RAD52: variants seen among roughly 807,000 people sequenced by gnomAD.
RAD52 encodes DNA repair protein RAD52 homolog.
A neutral mutation model predicts 55.5 loss-of-function variants in RAD52; 47 were observed. The ratio of observed to expected loss-of-function variants is 0.85; its 90% CI spans 0.67 to 1.08. The LOEUF (loss-of-function observed/expected upper bound fraction) is 1.08. Among genes scored for constraint, RAD52 ranks in the 50% least tolerant of loss-of-function variants. The probability of loss-of-function intolerance (pLI) is 0.00; values close to 1 mark genes in which losing one functional copy is unlikely to be tolerated. For missense variants in RAD52, 468 were observed against 522.8 expected, an observed-to-expected ratio of 0.90 and a Z score of 1.02; for synonymous variants, 184 against 198.9, an observed-to-expected ratio of 0.92 and a Z score of 0.63.
In RAD52 at chr12:920,352, C is replaced by T. The variant is rs1457280305; in HGVS notation, c.544-3532G>A. Among the ~76,000 whole-genome samples, 2 of 117,016 alleles carry T rather than the reference C, an allele frequency of 1.7e-5. 1 individual carries two copies. The highest frequency in any genetic ancestry group is 3.6e-5 in the Non-Finnish European group (2 of 55,320). The allele number at this position is 117,016 out of a possible 152,430, so 76.8% of individuals were successfully genotyped here. A position where few individuals can be genotyped will look rare whatever the true frequency, so the allele number is the denominator to read the frequency against. On this transcript the variant is annotated intron_variant, in intron 7 of 11. Coordinates refer to ENST00000358495, the MANE Select transcript of RAD52 (RefSeq NM_134424.4). ...TGGGCAGATCACGAGGTCAGGATATCGAGACCATCCTGGCTAACATGGTGA... is the reference window on the plus strand; with the variant it reads ...TGGGCAGATCACGAGGTCAGGATATTGAGACCATCCTGGCTAACATGGTGA...
intron 1 of RAD52, among the ~76,000 whole-genome samples, chr12:934,748 C>T (rs529198119): frequency 1.3e-5 from 2 of 152,108 alleles, no homozygotes; most frequent in Admixed American, 1.3e-4. Context: ...TAAATATATA[C>T]AATTTTTGTC....
intron 1 of RAD52, among the ~76,000 whole-genome samples, chr12:962,434 G>C (rs1007162770): frequency 1.3e-5 from 2 of 151,142 alleles, no homozygotes; most frequent in African/African-American, 4.9e-5. Context: ...TCCGCTCCCA[G>C]GTTCACACCA....
rs1436647271 is a variant in RAD52 at position 927,160 on chromosome 12, A to G, written c.452T>C (p.Leu151Pro). Residue 151 changes from leucine to proline, a missense_variant, in exon 6 of 12, where the codon CTG becomes CCG. Physicochemically the swap from Leu to Pro is moderately conservative, Grantham distance 98. Coordinates refer to ENST00000358495, the MANE Select transcript of RAD52 (RefSeq NM_134424.4). Reference protein sequence around the residue: ...KARKEAVTDGLKRALRSFGNA... With the variant: ...KARKEAVTDGPKRALRSFGNA... Reference sequence around the variant, plus strand: ...CCGCGCTCACCTGAGGGCTCGCTTCAGCCCGTCTGTCACCGCCTCCTTCCT... The same window carrying G: ...CCGCGCTCACCTGAGGGCTCGCTTCGGCCCGTCTGTCACCGCCTCCTTCCT... 1 of 1,613,990 alleles carries G rather than the reference A, an allele frequency of 6.2e-7. No homozygotes were observed.
intron 1 of RAD52, among the ~76,000 whole-genome samples, chr12:982,147 A>G (rs1215924454): frequency 6.6e-6 from 1 of 152,126 alleles, no homozygotes; most frequent in Non-Finnish European, 1.5e-5. Flanking sequence ...CAGCCAGATA[A>G]CTCTGTTGCC....
upstream of RAD52, among the ~76,000 whole-genome samples, chr12:950,334 C>G (rs904624686): frequency 7.9e-5 from 12 of 151,982 alleles, no homozygotes; most frequent in African/African-American, 2.7e-4. Flanking sequence ...CACTTTGGGA[C>G]GCCGAGGCGG....
chr12:932,763 C>T (rs918872596), intron 2 of RAD52, among the ~76,000 whole-genome samples: 1 of 152,166 alleles, frequency 6.6e-6, no homozygotes, highest in Non-Finnish European at 1.5e-5. Flanking sequence ...ACTATGTAAA[C>T]GTACTAGGTA....
intron 1 of RAD52, among the ~76,000 whole-genome samples, chr12:971,681 A>G (rs1958854907): frequency 6.6e-6 from 1 of 152,226 alleles, no homozygotes; most frequent in Admixed American, 6.5e-5. Flanking sequence ...GTTTAAAAGT[A>G]CAATGCCTAA....
intron 1 of RAD52, among the ~76,000 whole-genome samples, chr12:979,775 C>T (rs1229270723): frequency 2.0e-5 from 3 of 151,976 alleles, no homozygotes; most frequent in Non-Finnish European, 2.9e-5. Flanking sequence ...TGGCCGGGTG[C>T]GGTGGCTCCT....
intron 1 of RAD52, among the ~76,000 whole-genome samples, chr12:984,668 CTTT>C (rs762015138): frequency 6.9e-6 from 1 of 144,096 alleles, no homozygotes; most frequent in African/African-American, 2.5e-5. Flanking sequence ...ATACAAAAGA[CTTT>C]TTTTTTTTTT....
chr12:980,504 G>A (rs1394122257), intron 1 of RAD52, among the ~76,000 whole-genome samples: 1 of 151,730 alleles, frequency 6.6e-6, no homozygotes, highest in Non-Finnish European at 1.5e-5. Flanking sequence ...ATGTTGGCCA[G>A]GCTGGTCTCG....
At chr12:918,961 C>T (rs1956560231) in intron 7 of RAD52, among the ~76,000 whole-genome samples, 1 of 152,064 alleles carries the variant, frequency 6.6e-6, no homozygotes, top group Non-Finnish European at 1.5e-5. Flanking sequence ...ATTCCACTTA[C>T]AGTACAATTC....
chr12:988,376 C>T (rs1013420519), intron 1 of RAD52, among the ~76,000 whole-genome samples: 3 of 152,162 alleles, frequency 2.0e-5, no homozygotes, highest in Admixed American at 6.5e-5. Flanking sequence ...TATCTGCCCC[C>T]ACAGTCCATG....
At chr12:982,111 T>C (rs895993664) in intron 1 of RAD52, among the ~76,000 whole-genome samples, 2 of 152,200 alleles carry the variant, frequency 1.3e-5, no homozygotes, top group Non-Finnish European at 2.9e-5. Flanking sequence ...CAGTCTTCCC[T>C]TTTCTTAAAG....
intron 1 of RAD52, chr12:976,436 T>A (rs749679645): frequency 7.9e-5 from 12 of 152,242 alleles, no homozygotes; most frequent in Admixed American, 7.2e-4. Context: ...TTGTACCATT[T>A]CTGGGTCTTA....
intron 1 of RAD52, among the ~76,000 whole-genome samples, chr12:969,867 G>GA (rs1958817659): frequency 1.3e-5 from 2 of 151,762 alleles, no homozygotes; most frequent in South Asian, 4.1e-4. Flanking sequence ...GTAAAATGAA[G>GA]AAACTATGTA....
intron 1 of RAD52, among the ~76,000 whole-genome samples, chr12:939,589 G>A (rs1047507583): frequency 6.6e-6 from 1 of 152,046 alleles, no homozygotes; most frequent in African/African-American, 2.4e-5. Context: ...CCAACCAACC[G>A]GAGAAACAAA....
At chr12:926,706 A>C (rs1957054000) in intron 6 of RAD52, 2 of 1,319,218 alleles carry the variant, frequency 1.5e-6, no homozygotes, top group Non-Finnish European at 2.0e-6. Flanking sequence ...TTTATTTATA[A>C]ATTACCCAGC....
chr12:916,873 G>A (rs2154109003), intron 7 of RAD52, 53 bp from the exon 8 acceptor site: 1 of 1,563,372 alleles, frequency 6.4e-7, no homozygotes, highest in Non-Finnish European at 8.7e-7. Flanking sequence ...GCCCTCCGCT[G>A]CTTCTCCCTG....
chr12:941,665 T>C (rs568598856), intron 1 of RAD52, among the ~76,000 whole-genome samples: 128 of 151,886 alleles, frequency 8.4e-4, no homozygotes, highest in African/African-American at 2.7e-3. Context: ...AGAGTTTTGC[T>C]CTTGTTGCCC....
Sources: allele counts gnomAD v4.1 joint callset (sites outside exome capture counted in the v4.1 genomes callset), GRCh38; gene constraint gnomAD v4.1.1; transcripts MANE v1.5; gene names NCBI Gene and HGNC (gene_info 2026-07-23, HGNC 2026-07-21).